Variants in SUGCT observed in about 807,000 individuals in gnomAD.
SUGCT encodes succinyl-CoA:glutarate CoA-transferase.
In SUGCT, 41 loss-of-function variants were observed where a neutral mutation model predicts 55.0. The observed-to-expected ratio is 0.74, with a 90% CI of 0.58 to 0.97. The LOEUF (loss-of-function observed/expected upper bound fraction) is 0.97, where lower values mean the gene tolerates loss of function less well. SUGCT is among the 50% of genes least tolerant of loss of function. The pLI is 0.00. For missense variants in SUGCT, 568 were observed against 547.8 expected, an observed-to-expected ratio of 1.04 and a Z score of -0.37; for synonymous variants, 187 against 200.4, an observed-to-expected ratio of 0.93 and a Z score of 0.56.
intron 12 of SUGCT, among the ~76,000 whole-genome samples, chr7:40,618,092 G>T (rs1183931858): frequency 6.6e-6 from 1 of 152,128 alleles, no homozygotes; most frequent in African/African-American, 2.4e-5. Context: ...AATGTTCTGA[G>T]AATTATTTTC....
At chr7:40,582,967 T>A (rs1432270128) in intron 12 of SUGCT, among the ~76,000 whole-genome samples, 1 of 152,194 alleles carries the variant, frequency 6.6e-6, no homozygotes, top group Non-Finnish European at 1.5e-5. Flanking sequence ...ATCAGTTGTG[T>A]TTTATGTATA....
intron 6 of SUGCT, among the ~76,000 whole-genome samples, chr7:40,237,023 G>C (rs985669789): frequency 1.3e-5 from 2 of 151,810 alleles, no homozygotes; most frequent in African/African-American, 4.8e-5. Context: ...AGTAGAGATG[G>C]GGTTTCACCA....
intron 6 of SUGCT, among the ~76,000 whole-genome samples, chr7:40,213,511 G>A (rs566638151): frequency 2.6e-5 from 4 of 152,192 alleles, no homozygotes; most frequent in Admixed American, 6.5e-5. Flanking sequence ...TGATCTCTTC[G>A]TTAGGATGGT....
intron 12 of SUGCT, among the ~76,000 whole-genome samples, chr7:40,707,960 A>G (rs1216074303): frequency 6.6e-6 from 1 of 152,240 alleles, no homozygotes; most frequent in African/African-American, 2.4e-5. Flanking sequence ...GAAATGAATT[A>G]CAGATTTTTA....
intron 12 of SUGCT, chr7:40,683,958 G>T (rs544101935): frequency 6.5e-7 from 1 of 1,527,470 alleles, no homozygotes; most frequent in Non-Finnish European, 8.8e-7. Context: ...AGGTTTTGGG[G>T]GAAAAGCCAT....
intron 9 of SUGCT, among the ~76,000 whole-genome samples, chr7:40,446,152 A>G (rs1195066908): frequency 6.6e-6 from 1 of 152,156 alleles, no homozygotes; most frequent in African/African-American, 2.4e-5. Flanking sequence ...TTGATAAAAG[A>G]TATATTTAAA....
chr7:40,613,885 G>T lies in SUGCT; in HGVS notation c.1089+117499G>T, dbSNP rs1209909587. Among the ~76,000 whole-genome samples, 4 of 152,258 alleles carry T rather than the reference G, an allele frequency of 2.6e-5. No homozygotes were observed. In the East Asian group the frequency reaches 7.7e-4, roughly 29 times the overall value. Reference sequence around the variant, plus strand: ...GCCTCCCGAAGTGCTGTGATTACAGGTGTGAGCCACCACGCCTGGCCTGCA... The same window carrying T: ...GCCTCCCGAAGTGCTGTGATTACAGTTGTGAGCCACCACGCCTGGCCTGCA... On this transcript the variant is annotated intron_variant, in intron 12 of 13. Transcript: ENST00000335693.
intron 3 of SUGCT, among the ~76,000 whole-genome samples, chr7:40,183,245 C>A (rs566431422): frequency 6.6e-6 from 1 of 152,206 alleles, no homozygotes. Context: ...TGCACTCCAG[C>A]CTGGGTGACA....
intron 12 of SUGCT, among the ~76,000 whole-genome samples, chr7:40,532,754 T>G (rs1446810058): frequency 6.6e-6 from 1 of 152,124 alleles, no homozygotes; most frequent in Non-Finnish European, 1.5e-5. Flanking sequence ...ACATACTGAT[T>G]CCATTATGTC....
intron 12 of SUGCT, among the ~76,000 whole-genome samples, chr7:40,737,072 T>C (rs1435114904): frequency 6.6e-6 from 1 of 152,158 alleles, no homozygotes; most frequent in Non-Finnish European, 1.5e-5. Flanking sequence ...TCTCAAACTA[T>C]GTACTGAGGC....
At chr7:40,884,726 G>A in the SUGCT span, among the ~76,000 whole-genome samples, 1 of 152,214 alleles carries the variant, frequency 6.6e-6, no homozygotes, top group African/African-American at 2.4e-5. Context: ...CCCCAAAGGA[G>A]GAGAGAGACT....
chr7:40,622,723 CT>C (rs1433355945), intron 12 of SUGCT, among the ~76,000 whole-genome samples: 6 of 151,476 alleles, frequency 4.0e-5, no homozygotes, highest in Admixed American at 6.6e-5. Flanking sequence ...GTGTGTGTGT[CT>C]GTGTGTGTCT....
At chr7:40,720,815 A>G (rs566898609) in intron 12 of SUGCT, among the ~76,000 whole-genome samples, 1 of 152,350 alleles carries the variant, frequency 6.6e-6, no homozygotes, top group South Asian at 2.1e-4. Context: ...AGACTAAAAG[A>G]TGCACGGTGT....
intron 11 of SUGCT, among the ~76,000 whole-genome samples, chr7:40,478,944 T>A (rs1053054861): frequency 6.6e-6 from 1 of 152,148 alleles, no homozygotes; most frequent in Non-Finnish European, 1.5e-5. Flanking sequence ...TATTTGTCTT[T>A]CTGTGTCTGA....
intron 12 of SUGCT, among the ~76,000 whole-genome samples, chr7:40,577,389 T>C (rs528432044): frequency 6.6e-6 from 1 of 152,100 alleles, no homozygotes; most frequent in Admixed American, 6.5e-5. Context: ...TTGTCATTTC[T>C]CTTGCAAATC....
At chr7:40,222,658 A>G (rs1263140984) in intron 6 of SUGCT, among the ~76,000 whole-genome samples, 1 of 152,178 alleles carries the variant, frequency 6.6e-6, no homozygotes. Context: ...CCTGGCTAAC[A>G]TGGCGAAACT....
chr7:40,361,020 T>C (rs1459674233), intron 9 of SUGCT, among the ~76,000 whole-genome samples: 2 of 152,102 alleles, frequency 1.3e-5, no homozygotes, highest in East Asian at 3.9e-4. Context: ...CAATAATTAT[T>C]AGTGTGAATG....
Position 40,554,374 on chromosome 7 carries a change from G to T in SUGCT, c.1089+57988G>T, listed in dbSNP as rs11970809. Among the ~76,000 whole-genome samples, 1,034 of 152,280 alleles carry T rather than the reference G, an allele frequency of 6.8e-3. 17 individuals carry two copies. Among genetic ancestry groups the T allele is most frequent in the African/African-American group, 0.023 (961 of 41,564 alleles). ...TCATTCATAACCTGCCAACTTGTTA[G>T]GGAATGAATCTTTTTGTAGGTTTAA... On this transcript the variant is annotated intron_variant, in intron 12 of 13. Coordinates refer to ENST00000335693, the MANE Select transcript of SUGCT (RefSeq NM_001193313.2).
intron 12 of SUGCT, among the ~76,000 whole-genome samples, chr7:40,625,771 C>A (rs1394344631): frequency 1.3e-5 from 2 of 152,152 alleles, no homozygotes; most frequent in African/African-American, 4.8e-5. Flanking sequence ...TTTAAGCAGG[C>A]TGATTAGCAA....
Sources: allele counts gnomAD v4.1 joint callset (sites outside exome capture counted in the v4.1 genomes callset), GRCh38; gene constraint gnomAD v4.1.1; transcripts MANE v1.5; gene names NCBI Gene and HGNC (gene_info 2026-07-23, HGNC 2026-07-21).